The following PARP10 variants were observed in gnomAD, a reference collection of about 807,000 sequenced individuals.
PARP10 encodes the protein protein mono-ADP-ribosyltransferase PARP10.
PARP10 carries 56 observed loss-of-function variants against 82.4 expected under a neutral mutation model. The ratio of observed to expected loss-of-function variants is 0.68; its 90% confidence interval spans 0.55 to 0.85. PARP10 has a LOEUF of 0.85. PARP10 is among the 40% of genes least tolerant of loss of function. PARP10 has a pLI of 0.00. For missense variants in PARP10, 1,227 were observed against 1,379.4 expected, an observed-to-expected ratio of 0.89 and a Z score of 1.75; for synonymous variants, 576 against 601.1, an observed-to-expected ratio of 0.96 and a Z score of 0.61.
At chr8:143,991,858 C>CT, upstream of PARP10, 1 of 1,610,128 alleles carries the variant, frequency 6.2e-7, no homozygotes, top group Non-Finnish European at 8.5e-7. Context: ...GCGGATGACT[C>CT]TGAGCGGCTC....
chr8:143,978,957 A>G (rs570867793), intron 9 of PARP10, among the ~76,000 whole-genome samples: 2 of 149,920 alleles, frequency 1.3e-5, no homozygotes, highest in African/African-American at 5.0e-5. Context: ...AGAGTGAAAG[A>G]AAACCCTGCA....
Position 143,983,816 on chromosome 8 carries a change from G to C in PARP10, c.1778-5C>G. On this transcript the variant is annotated splice_region_variant and splice_polypyrimidine_tract_variant and intron_variant, in intron 7 of 10. Transcript: ENST00000313028. ...CCAGCAGTTCTCGGACCTCCTCTGG[G>C]GGCAGGGAGAGGCCATTGGGTCAGG... 1 of 1,568,876 alleles carries C rather than the reference G, an allele frequency of 6.4e-7. No homozygotes were observed.
At chr8:143,992,933 CTT>C (rs1380150386), upstream of PARP10, 7 of 1,098,022 alleles carry the variant, frequency 6.4e-6, no homozygotes, top group Non-Finnish European at 1.3e-6. Context: ...TCCCCTCTCT[CTT>C]GTCCCCAGGC....
chr8:144,001,201 A>G (rs1437269574), intron 1 of PARP10, among the ~76,000 whole-genome samples: 1 of 150,310 alleles, frequency 6.7e-6, no homozygotes, highest in African/African-American at 2.4e-5. Flanking sequence ...GGCGTGAGCC[A>G]CCGTGCCTGG....
upstream of PARP10, among the ~76,000 whole-genome samples, chr8:143,993,987 G>A (rs151034846): frequency 1.1e-3 from 166 of 152,336 alleles, no homozygotes; most frequent in Middle Eastern, 0.014. Flanking sequence ...CCTGCAGTGC[G>A]TTTCCTGCCC....
intron 1 of PARP10, chr8:144,012,408 C>A (rs1046825785): frequency 2.8e-5 from 27 of 950,178 alleles, no homozygotes; most frequent in African/African-American, 6.6e-5. Context: ...ACTGGGCCAG[C>A]CTTGCAGACT....
chr8:143,984,410 A>G lies in PARP10; in HGVS notation c.1480T>C (p.Cys494Arg), dbSNP rs1322304123. 2 of 1,610,564 alleles carry G rather than the reference A, an allele frequency of 1.2e-6. No individual in the cohort carries two copies. The highest frequency in any genetic ancestry group is 2.2e-5 in the East Asian group (1 of 44,844). ...GFRLCGAQASCQAAEEFLRSL... is the reference protein window; with the variant it reads ...GFRLCGAQASRQAAEEFLRSL... ...CGCAGAAACTCCTCAGCCGCCTGGCAGGAAGCCTGGGCTCCACAGAGCTGC... is the reference window on the plus strand; with the variant it reads ...CGCAGAAACTCCTCAGCCGCCTGGCGGGAAGCCTGGGCTCCACAGAGCTGC... Residue 494 changes from cysteine (C) to arginine (R), a missense_variant, in exon 6 of 11, where the codon TGC (cysteine) becomes CGC (arginine). Physicochemically the swap from Cys to Arg is radical, Grantham distance 180. Coordinates refer to ENST00000313028, the MANE Select transcript of PARP10 (RefSeq NM_032789.5).
chr8:143,978,165 G>A (rs961186952), intron 9 of PARP10, 84 bp from the exon 10 acceptor site: 55 of 1,407,780 alleles, frequency 3.9e-5, no homozygotes, highest in Admixed American at 8.5e-5. Flanking sequence ...TGGCAACCAG[G>A]AGCCCTCTGT....
upstream of PARP10, among the ~76,000 whole-genome samples, chr8:143,995,512 C>T (rs1834158445): frequency 6.6e-6 from 1 of 152,190 alleles, no homozygotes; most frequent in Non-Finnish European, 1.5e-5. Context: ...GATGAATCGG[C>T]ACGGGGTGCT....
At chr8:143,994,129 C>T (rs565341363), upstream of PARP10, among the ~76,000 whole-genome samples, 1 of 152,344 alleles carries the variant, frequency 6.6e-6, no homozygotes, top group African/African-American at 2.4e-5. Flanking sequence ...CCCACTGCAG[C>T]CTCGAGGCTC....
At chr8:143,986,767 G>C (rs1554749485), upstream of PARP10, 2 of 300,908 alleles carry the variant, frequency 6.6e-6, no homozygotes, top group Non-Finnish European at 1.3e-5. Context: ...AGGGGCCTGA[G>C]TCACTGCCCC....
Position 143,977,366 on chromosome 8 carries a change from G to T in PARP10, c.*118C>A, listed in dbSNP as rs1833712880. On this transcript the variant is annotated 3_prime_UTR_variant, in exon 11 of 11. Coordinates refer to ENST00000313028, the MANE Select transcript of PARP10 (RefSeq NM_032789.5). ...CCCACACCGCCTTCTGGAGCCCGCA[G>T]AGGGAGGCAGGGGCGTCCCCGGGGA... 4.0e-5 allele frequency: 42 copies of T among 1,041,054 alleles called. 1 individual carries two copies. In the South Asian group the frequency reaches 7.1e-4, roughly 18 times the overall value. The allele number at this position is 1,041,054 out of a possible 1,614,324, so 64.5% of individuals were successfully genotyped here.
chr8:143,977,536 CG>C lies in PARP10; in HGVS notation c.3025del (p.Arg1009AlafsTer37). The C allele has an allele frequency of 6.4e-7, 1 of 1,563,050 alleles. No homozygotes were observed. The highest frequency in any genetic ancestry group is 2.4e-5 in the East Asian group (1 of 41,994). On this transcript the variant is annotated frameshift_variant, in exon 11 of 11. Transcript: ENST00000313028. LOFTEE classifies it low-confidence loss of function (END_TRUNC). ...THLITCEHVPRASPDDPSGLP... is the reference protein window; with the variant it reads ...THLITCEHVPXASPDDPSGLP... ...CCCAGAGGGGTCGTCGGGGGAAGCG[CG>C]GGGCACGTGCTCGCAGGTGATGAGG...
chr8:143,985,044 T>C lies in PARP10; in HGVS notation c.958A>G (p.Met320Val). Residue 320 changes from methionine to valine, a missense_variant, in exon 5 of 11, where the codon ATG (methionine) becomes GTG (valine). Coordinates refer to ENST00000313028, the MANE Select transcript of PARP10 (RefSeq NM_032789.5). ...TGPMVQGRGI[M>V]TTGSGQEPGQ... ...GGTTCCTGGCCAGAGCCTGTTGTCA[T>C]AATCCCTCTACCCTGCACCATGGGA... 2 of 1,613,420 alleles carry C rather than the reference T, an allele frequency of 1.2e-6. No homozygotes were observed. The highest frequency in any genetic ancestry group is 1.7e-6 in the Non-Finnish European group (2 of 1,179,824).
Position 143,984,087 on chromosome 8 carries a change from G to A in PARP10, c.1698C>T (p.Ala566=). ...TGLEEVDPTE[A]LPVLPGNAHT... ...GGGCGTTGCCAGGGAGCACTGGGAG[G>A]GCCTCGGTAGGGTCCACCTGTAGGG... The change falls in exon 7 of 11, where the codon GCC becomes GCT. Residue 566 remains alanine (A), a synonymous_variant. Coordinates refer to ENST00000313028, the MANE Select transcript of PARP10 (RefSeq NM_032789.5). 6.4e-7 allele frequency: 1 copy of A among 1,551,404 alleles called. No individual in the cohort carries two copies. The highest frequency in any genetic ancestry group is 8.7e-7 in the Non-Finnish European group (1 of 1,148,032).
chr8:143,992,165 C>T (rs532274486), upstream of PARP10: 15 of 1,602,314 alleles, frequency 9.4e-6, no homozygotes, highest in South Asian at 1.3e-4. Context: ...CCGTGGTTCT[C>T]CTTGTGCTCA....
chr8:143,979,339 C>T (rs1833793812), intron 9 of PARP10, among the ~76,000 whole-genome samples: 1 of 152,298 alleles, frequency 6.6e-6, no homozygotes. Flanking sequence ...CTCACCTTCT[C>T]ACATTGGGTC....
At chr8:144,000,376 C>T (rs1230849646) in intron 1 of PARP10, among the ~76,000 whole-genome samples, 1 of 152,098 alleles carries the variant, frequency 6.6e-6, no homozygotes, top group Non-Finnish European at 1.5e-5. Context: ...GAAGGAACTA[C>T]CAGAAGCAAG....
intron 9 of PARP10, 125 bp downstream of exon 9, chr8:143,982,807 G>T: frequency 6.9e-7 from 1 of 1,444,598 alleles, no homozygotes; most frequent in South Asian, 1.3e-5. Flanking sequence ...AGGGCTGGGA[G>T]CCTGTCAGCT....
Sources: gnomAD v4.1 joint callset for allele counts (sites outside exome capture counted in the v4.1 genomes callset) on GRCh38, gnomAD v4.1.1 for gene constraint, MANE v1.5 for transcripts, NCBI Gene and HGNC (gene_info 2026-07-23, HGNC 2026-07-21) for gene names.